LRP1B: variants seen among roughly 807,000 people sequenced by gnomAD.
The protein encoded by LRP1B is low-density lipoprotein receptor-related protein 1B.
Under a neutral mutation model 556.6 loss-of-function variants are expected in LRP1B, and 217 were observed. That is an observed-to-expected ratio of 0.39 (90% CI 0.35 to 0.44). LRP1B has a LOEUF of 0.44. LRP1B is among the 20% of genes least tolerant of loss of function. LRP1B has a pLI of 1.00. For synonymous variants in LRP1B, 2,047 were observed against 1,865.8 expected (o/e 1.10, Z -2.50); for missense variants, 5,053 against 5,620.8 (o/e 0.90, Z 3.23).
At chr2:141,981,585 C>G (rs1019097863) in intron 1 of LRP1B, among the ~76,000 whole-genome samples, 19 of 152,054 alleles carry the variant, frequency 1.2e-4, no homozygotes, top group Non-Finnish European at 2.6e-4. Context: ...ATAAACTGAT[C>G]TGTATTTTTC....
At chr2:141,260,171 A>C (rs1476873716) in intron 3 of LRP1B, among the ~76,000 whole-genome samples, 6 of 152,212 alleles carry the variant, frequency 3.9e-5, no homozygotes, top group Non-Finnish European at 1.5e-5. Flanking sequence ...TCCAACAGAT[A>C]GTGAAACACT....
chr2:140,786,888 G>A lies in LRP1B; in HGVS notation c.5360-10650C>T, dbSNP rs184999456. On this transcript the variant is annotated intron_variant, in intron 32 of 90. Coordinates refer to ENST00000389484, the MANE Select transcript of LRP1B (RefSeq NM_018557.3). ...AACTAGTTTTGTGCAATGTGAAGGGGAGAATGACAGTGAGAGCGAGGAGTT... is the reference window on the plus strand; with the variant it reads ...AACTAGTTTTGTGCAATGTGAAGGGAAGAATGACAGTGAGAGCGAGGAGTT... Among the ~76,000 whole-genome samples the A allele has an allele frequency of 1.3e-4, 20 of 152,312 alleles. 1 individual carries two copies. Among genetic ancestry groups the A allele is most frequent in the Non-Finnish European group, 2.1e-4 (14 of 68,032 alleles).
intron 2 of LRP1B, among the ~76,000 whole-genome samples, chr2:141,675,375 T>C (rs1480761415): frequency 1.3e-5 from 2 of 151,896 alleles, no homozygotes; most frequent in Non-Finnish European, 2.9e-5. Flanking sequence ...TAAGATTGTA[T>C]CTTTAACCCA....
chr2:141,472,354 T>C (rs118190028), intron 3 of LRP1B, among the ~76,000 whole-genome samples: 2,917 of 152,252 alleles, frequency 0.019, 59 homozygotes, highest in East Asian at 0.093. Context: ...GAGACCAGCC[T>C]GACAGTGAAA....
intron 2 of LRP1B, among the ~76,000 whole-genome samples, chr2:141,546,345 G>C (rs1251273143): frequency 6.6e-6 from 1 of 152,108 alleles, no homozygotes; most frequent in Non-Finnish European, 1.5e-5. Context: ...CAAAAAGCTA[G>C]TAAGCGGGCA....
chr2:140,334,537 C>T lies in LRP1B; in HGVS notation c.12139G>A (p.Gly4047Arg). The T allele has an allele frequency of 6.3e-7, 1 of 1,597,188 alleles. No individual in the cohort carries two copies. Residue 4047 changes from glycine to arginine, a missense_variant, in exon 79 of 91, where the codon GGG (glycine) becomes AGG (arginine). By Grantham distance (125) the Gly-to-Arg change is moderately radical. Coordinates refer to ENST00000389484, the MANE Select transcript of LRP1B (RefSeq NM_018557.3). ...KRGMMYWTVV[G>R]DHSHIEEAAM... ...GCTTCTTCTATATGGGAATGATCCC[C>T]AACAACAGTCCAGTACATCATCCTG... is the stretch of plus-strand genomic sequence containing the variant.
intron 18 of LRP1B, among the ~76,000 whole-genome samples, chr2:140,978,038 G>A (rs1696657308): frequency 1.3e-5 from 2 of 152,126 alleles, no homozygotes; most frequent in South Asian, 2.1e-4. Context: ...GTCTTCTCTT[G>A]TCTGCATCAC....
chr2:140,725,899 A>T (rs1194380277), intron 35 of LRP1B, among the ~76,000 whole-genome samples: 2 of 151,922 alleles, frequency 1.3e-5, no homozygotes, highest in African/African-American at 4.8e-5. Context: ...ATTGCCCTCA[A>T]CCTTAGCAAC....
chr2:141,686,898 C>T (rs1691332539), intron 2 of LRP1B, among the ~76,000 whole-genome samples: 1 of 151,950 alleles, frequency 6.6e-6, no homozygotes, highest in South Asian at 2.1e-4. Context: ...CCATGTGATG[C>T]TCTAAACTGT....
intron 1 of LRP1B, among the ~76,000 whole-genome samples, chr2:142,126,073 C>T (rs11896128): frequency 0.039 from 5,977 of 151,882 alleles, 168 homozygotes; most frequent in South Asian, 0.096. Context: ...TAGCATTCTG[C>T]TACTAAATGT....
chr2:141,747,997 A>G (rs1424938745), intron 2 of LRP1B, among the ~76,000 whole-genome samples: 2 of 152,172 alleles, frequency 1.3e-5, no homozygotes, highest in Non-Finnish European at 2.9e-5. Context: ...ATGATTCAAA[A>G]TGTGGCAGTT....
intron 2 of LRP1B, among the ~76,000 whole-genome samples, chr2:141,484,897 T>C (rs1012963606): frequency 6.6e-6 from 1 of 152,140 alleles, no homozygotes; most frequent in Non-Finnish European, 1.5e-5. Flanking sequence ...TATACAATCA[T>C]GCAAGATTTT....
intron 67 of LRP1B, among the ~76,000 whole-genome samples, chr2:140,383,552 ATC>A (rs1373713442): frequency 6.6e-6 from 1 of 152,142 alleles, no homozygotes; most frequent in Admixed American, 6.5e-5. Context: ...TCAAAATAGT[ATC>A]TTCAAGCCCT....
intron 7 of LRP1B, among the ~76,000 whole-genome samples, chr2:141,122,416 A>C (rs933652596): frequency 3.6e-5 from 5 of 139,990 alleles, no homozygotes; most frequent in African/African-American, 1.0e-4. Flanking sequence ...AAAAAAAAAA[A>C]AAAACATCAA....
intron 3 of LRP1B, among the ~76,000 whole-genome samples, chr2:141,358,315 T>A (rs1352036346): frequency 1.3e-5 from 2 of 152,156 alleles, no homozygotes; most frequent in Non-Finnish European, 2.9e-5. Context: ...GTTAGGCAGA[T>A]AAATAGAGAA....
rs1216730794 is a variant in LRP1B, at chr2:141,920,279, T to TGG, written c.83-109880_83-109879dup. Among the ~76,000 whole-genome samples, 575 of 99,898 alleles carry TGG rather than the reference T, an allele frequency of 5.8e-3. 11 individuals are homozygous for TGG. Among genetic ancestry groups the TGG allele is most frequent in the African/African-American group, 0.017 (488 of 28,086 alleles). 65.5% of individuals were successfully genotyped at this position (99,898 alleles called of 152,430 possible). A position where few individuals can be genotyped will look rare whatever the true frequency, so the allele number is the denominator to read the frequency against. Reference sequence around the variant, plus strand: ...TTTCAATTTTTTTCTTCTTTTTTTTTGGGGGGGGGTGGTAGGGATAATCAT... The same window carrying TGG: ...TTTCAATTTTTTTCTTCTTTTTTTTTGGGGGGGGGGGTGGTAGGGATAATCAT... On this transcript the variant is annotated intron_variant, in intron 1 of 90. Coordinates refer to ENST00000389484, the MANE Select transcript of LRP1B (RefSeq NM_018557.3).
intron 7 of LRP1B, among the ~76,000 whole-genome samples, chr2:141,096,610 G>A (rs1293799819): frequency 3.0e-5 from 4 of 135,568 alleles, no homozygotes; most frequent in Non-Finnish European, 6.2e-5. Flanking sequence ...TAGCCTGAAT[G>A]ACAAAGACGG....
chr2:140,537,213 AT>A lies in LRP1B; in HGVS notation c.7514-505del, dbSNP rs1412101141. Among the ~76,000 whole-genome samples, 59 of 145,610 alleles carry A rather than the reference AT, an allele frequency of 4.1e-4. No homozygotes were observed. In the East Asian group the frequency reaches 9.1e-3, roughly 23 times the overall value. On this transcript the variant is annotated intron_variant, in intron 45 of 90. Coordinates refer to ENST00000389484, the MANE Select transcript of LRP1B (RefSeq NM_018557.3). ...TATATATAAGAATATATAATATAAT[AT>A]ATAATAATAATATAATAATTATTAT...
chr2:140,373,677 CAGG>C (rs2105173366), intron 68 of LRP1B, among the ~76,000 whole-genome samples: 1 of 152,212 alleles, frequency 6.6e-6, no homozygotes, highest in South Asian at 2.1e-4. Context: ...GAGGCTGAGG[CAGG>C]AGGACTGCTT....
Sources: gnomAD v4.1 joint callset for allele counts (sites outside exome capture counted in the v4.1 genomes callset) on GRCh38, gnomAD v4.1.1 for gene constraint, MANE v1.5 for transcripts, NCBI Gene and HGNC (gene_info 2026-07-23, HGNC 2026-07-21) for gene names.